Variants in CSMD3 observed in about 807,000 individuals in gnomAD.
The protein encoded by CSMD3 is CUB and sushi domain-containing protein 3.
CSMD3 carries 177 observed loss-of-function variants against 435.2 expected under a neutral mutation model. That is an observed-to-expected ratio of 0.41 (90% CI 0.36 to 0.46). The LOEUF is 0.46. CSMD3 is among the 20% of genes least tolerant of loss of function. The pLI, the probability that CSMD3 is intolerant of heterozygous loss-of-function variation, is 0.34. For synonymous variants in CSMD3, 1,656 were observed against 1,520.5 expected, an observed-to-expected ratio of 1.09 and a Z score of -2.07; for missense variants, 4,265 against 4,504.6, an observed-to-expected ratio of 0.95 and a Z score of 1.52.
chr8:112,442,399 A>C (rs1280393901), intron 32 of CSMD3, among the ~76,000 whole-genome samples: 1 of 152,176 alleles, frequency 6.6e-6, no homozygotes, highest in African/African-American at 2.4e-5. Context: ...CATAATCATC[A>C]TTATCATCAG....
In CSMD3 at chr8:112,380,386, A is replaced by G; in HGVS notation, c.6102T>C (p.Ser2034=). 3 of 1,599,102 alleles carry G rather than the reference A, an allele frequency of 1.9e-6. No homozygotes were observed. The highest frequency in any genetic ancestry group is 2.6e-6 in the Non-Finnish European group (3 of 1,166,736). Residue 2034 remains serine (S), a synonymous_variant, in exon 38 of 71, where the codon AGT becomes AGC. Transcript: ENST00000297405. ...NLYLNFQSDI[S]VSAAGFHLEY... is the part of the protein sequence containing the mutation. ...CAAGATGAAATCCTGCAGCAGAAAC[A>G]CTGATGTCTGATTGAAAATTTAGAT...
intron 35 of CSMD3, among the ~76,000 whole-genome samples, chr8:112,394,425 C>T (rs1368484645): frequency 6.6e-6 from 1 of 152,156 alleles, no homozygotes; most frequent in Non-Finnish European, 1.5e-5. Context: ...TATCACTCCC[C>T]AGCTCAATAT....
intron 38 of CSMD3, among the ~76,000 whole-genome samples, chr8:112,361,999 G>T (rs962215981): frequency 6.6e-6 from 1 of 151,866 alleles, no homozygotes; most frequent in African/African-American, 2.4e-5. Context: ...GTTTTAAAAA[G>T]ATATACCAAA....
intron 35 of CSMD3, among the ~76,000 whole-genome samples, chr8:112,392,864 CTTTTT>C (rs56809581): frequency 8.2e-5 from 10 of 122,176 alleles, no homozygotes; most frequent in African/African-American, 2.5e-4. Context: ...TCTTTTTTTT[CTTTTT>C]TTTTTTTTTT....
intron 1 of CSMD3, among the ~76,000 whole-genome samples, chr8:113,330,864 T>C (rs548210220): frequency 3.5e-4 from 53 of 151,890 alleles, no homozygotes; most frequent in African/African-American, 1.3e-3. Flanking sequence ...CAGTAATGGA[T>C]ATAACAACAA....
intron 12 of CSMD3, among the ~76,000 whole-genome samples, chr8:112,807,533 T>TAGGA (rs869042306): frequency 5.0e-5 from 4 of 79,808 alleles, no homozygotes; most frequent in Non-Finnish European, 1.3e-4. Flanking sequence ...GGTAGGTAGG[T>TAGGA]AGGTAGGAAA....
chr8:112,469,489 C>A (rs1021684079), intron 32 of CSMD3, among the ~76,000 whole-genome samples: 3 of 152,150 alleles, frequency 2.0e-5, no homozygotes, highest in Non-Finnish European at 4.4e-5. Flanking sequence ...TGGTTCCCAA[C>A]CTTTTTGGCA....
intron 13 of CSMD3, among the ~76,000 whole-genome samples, chr8:112,717,423 C>T (rs1033490832): frequency 1.4e-4 from 21 of 151,886 alleles, no homozygotes; most frequent in African/African-American, 2.7e-4. Context: ...ACAATGCTGG[C>T]GAGGCTGTGG....
intron 43 of CSMD3, among the ~76,000 whole-genome samples, chr8:112,337,241 A>G (rs1181264584): frequency 6.6e-6 from 1 of 152,116 alleles, no homozygotes; most frequent in African/African-American, 2.4e-5. Context: ...TTAGTGGTTT[A>G]TGTAAGAATG....
At chr8:112,401,480 G>A (rs1436088512) in intron 35 of CSMD3, among the ~76,000 whole-genome samples, 1 of 151,926 alleles carries the variant, frequency 6.6e-6, no homozygotes, top group African/African-American at 2.4e-5. Context: ...TAAATTTTTA[G>A]GGTAAGAAGA....
chr8:113,027,825 CT>C (rs2131219184), intron 5 of CSMD3, among the ~76,000 whole-genome samples: 1 of 152,112 alleles, frequency 6.6e-6, no homozygotes, highest in Admixed American at 6.5e-5. Context: ...TAGATGAATT[CT>C]CTTATAAAAA....
chr8:112,467,147 C>T (rs1233707247), intron 32 of CSMD3, among the ~76,000 whole-genome samples: 1 of 152,202 alleles, frequency 6.6e-6, no homozygotes, highest in Non-Finnish European at 1.5e-5. Flanking sequence ...TTGACAATTA[C>T]TTCAGATGAT....
At chr8:112,731,324 T>C (rs1273864861) in intron 13 of CSMD3, among the ~76,000 whole-genome samples, 1 of 152,146 alleles carries the variant, frequency 6.6e-6, no homozygotes, top group Non-Finnish European at 1.5e-5. Context: ...CATACCATAG[T>C]AATGACATCA....
intron 35 of CSMD3, among the ~76,000 whole-genome samples, chr8:112,402,874 C>T (rs1831456432): frequency 6.6e-6 from 1 of 151,974 alleles, no homozygotes; most frequent in Non-Finnish European, 1.5e-5. Flanking sequence ...GCTCATGATT[C>T]CTTTAGTTCA....
At chr8:113,198,987 T>A (rs184371375) in intron 3 of CSMD3, among the ~76,000 whole-genome samples, 2 of 151,216 alleles carry the variant, frequency 1.3e-5, no homozygotes, top group East Asian at 3.9e-4. Context: ...CCAATAGATG[T>A]TGAGTATTAA....
At chr8:113,117,266 C>G (rs1483631503) in intron 4 of CSMD3, among the ~76,000 whole-genome samples, 3 of 152,210 alleles carry the variant, frequency 2.0e-5, no homozygotes, top group African/African-American at 7.2e-5. Context: ...GCCCTGTGTC[C>G]CAGCCATGGC....
intron 1 of CSMD3, among the ~76,000 whole-genome samples, chr8:113,415,351 T>C (rs1563799891): frequency 6.6e-6 from 1 of 151,928 alleles, no homozygotes; most frequent in Non-Finnish European, 1.5e-5. Flanking sequence ...AGAAGAGAGG[T>C]AGAATGAAAT....
At chr8:113,248,549 T>TAC (rs1304114735) in intron 3 of CSMD3, among the ~76,000 whole-genome samples, 25 of 132,656 alleles carry the variant, frequency 1.9e-4, no homozygotes, top group Admixed American at 1.4e-3. Flanking sequence ...TATATATATA[T>TAC]ACACACACAT....
chr8:112,982,141 C>T (rs190430739), intron 6 of CSMD3, among the ~76,000 whole-genome samples: 98 of 151,848 alleles, frequency 6.5e-4, no homozygotes, highest in African/African-American at 2.1e-3. Context: ...ATTTTTCATG[C>T]GTTTTGGAGG....
Sources: gnomAD v4.1 joint callset for allele counts (sites outside exome capture counted in the v4.1 genomes callset) on GRCh38, gnomAD v4.1.1 for gene constraint, MANE v1.5 for transcripts, NCBI Gene and HGNC (gene_info 2026-07-23, HGNC 2026-07-21) for gene names.